SCARB2: variants seen among roughly 807,000 people sequenced by gnomAD.
SCARB2 encodes lysosome membrane protein 2.
In SCARB2, 29 loss-of-function variants were observed where a neutral mutation model predicts 58.6. That is an observed-to-expected ratio of 0.49 (90% CI 0.37 to 0.67). SCARB2 has a LOEUF of 0.67. Among genes scored for constraint, SCARB2 ranks in the 30% least tolerant of loss-of-function variants. The probability of loss-of-function intolerance (pLI) is 0.00; values close to 1 mark genes in which losing one functional copy is unlikely to be tolerated. For missense variants in SCARB2, 488 were observed against 578.5 expected (o/e 0.84, Z 1.60); for synonymous variants, 195 against 210.1 (o/e 0.93, Z 0.62).
intron 1 of SCARB2, among the ~76,000 whole-genome samples, chr4:76,198,841 A>AGTGAGTGTGTGTGT (rs1259886166): frequency 1.4e-5 from 2 of 141,010 alleles, no homozygotes; most frequent in African/African-American, 5.6e-5. Flanking sequence ...AGAGTGAGTG[A>AGTGAGTGTGTGTGT]GTGTGTGTGT....
intron 1 of SCARB2, among the ~76,000 whole-genome samples, chr4:76,204,570 T>C (rs1461292343): frequency 1.3e-5 from 2 of 152,070 alleles, no homozygotes; most frequent in Non-Finnish European, 2.9e-5. Context: ...TGAGAACTGA[T>C]GACCTAAAGG....
chr4:76,203,844 T>G (rs992037479), intron 1 of SCARB2, among the ~76,000 whole-genome samples: 4 of 152,248 alleles, frequency 2.6e-5, no homozygotes, highest in African/African-American at 9.6e-5. Context: ...GCTGTCCTGA[T>G]GTAAGCCACT....
chr4:76,172,223 C>G (rs1409067811), intron 7 of SCARB2, among the ~76,000 whole-genome samples: 1 of 148,628 alleles, frequency 6.7e-6, no homozygotes, highest in Non-Finnish European at 1.5e-5. Flanking sequence ...TATATATACA[C>G]ATATATATGA....
At chr4:76,214,427 G>A (rs368794524), upstream of SCARB2, 24 of 410,538 alleles carry the variant, frequency 5.8e-5, no homozygotes, top group East Asian at 7.5e-4. Flanking sequence ...AGGAAACGGT[G>A]AGCAAAGGCA....
intron 2 of SCARB2, among the ~76,000 whole-genome samples, chr4:76,186,915 G>A (rs1419419935): frequency 6.6e-6 from 1 of 151,818 alleles, no homozygotes; most frequent in Non-Finnish European, 1.5e-5. Context: ...AGAAAAGCGA[G>A]GCAAGTTTAG....
At chr4:76,221,583 G>A (rs1733308103) in intron 1 of SCARB2, among the ~76,000 whole-genome samples, 1 of 152,140 alleles carries the variant, frequency 6.6e-6, no homozygotes, top group East Asian at 1.9e-4. Context: ...GCTTTCTAAA[G>A]TGCTGGGATT....
rs561634539 is a variant in SCARB2 at position 76,167,959 on chromosome 4, A to G, written c.1187+444T>C. On this transcript the variant is annotated intron_variant, in intron 9 of 11. Transcript: ENST00000264896. The stretch of plus-strand genomic sequence containing the variant: ...CCTCCCAAAGTGCTGGATTACAGGC[A>G]TGAGCCACTGTACCCAGCCAGGTAT... Among the ~76,000 whole-genome samples, 500 of 152,232 alleles carry G rather than the reference A, an allele frequency of 3.3e-3. 3 individuals are homozygous for G. Among genetic ancestry groups the G allele is most frequent in the Non-Finnish European group, 4.4e-3 (301 of 68,008 alleles).
intron 2 of SCARB2, among the ~76,000 whole-genome samples, chr4:76,183,777 T>C (rs1308821896): frequency 6.6e-6 from 1 of 152,192 alleles, no homozygotes; most frequent in Non-Finnish European, 1.5e-5. Flanking sequence ...TCCTCTTCTT[T>C]CAGGACCAGC....
chr4:76,203,734 G>A (rs1732875387), intron 1 of SCARB2, among the ~76,000 whole-genome samples: 1 of 152,186 alleles, frequency 6.6e-6, no homozygotes. Context: ...GGCTGGATTA[G>A]CTTGACTGCT....
At chr4:76,222,737 C>T (rs1384379559) in intron 1 of SCARB2, among the ~76,000 whole-genome samples, 2 of 152,220 alleles carry the variant, frequency 1.3e-5, no homozygotes, top group African/African-American at 4.8e-5. Context: ...GTAAATATTA[C>T]TTGCTATATG....
intron 2 of SCARB2, among the ~76,000 whole-genome samples, chr4:76,189,615 C>A (rs953440351): frequency 6.6e-6 from 1 of 151,824 alleles, no homozygotes; most frequent in Admixed American, 6.6e-5. Flanking sequence ...GTGTGTGCCA[C>A]CACACCCAGC....
chr4:76,161,836 G>T (rs1026768212), intron 11 of SCARB2, 85 bp from the exon 12 acceptor site: 4 of 1,313,080 alleles, frequency 3.0e-6, no homozygotes, highest in Non-Finnish European at 4.4e-6. Flanking sequence ...GGGAGTGGGG[G>T]CATGGAAGGA....
chr4:76,206,186 A>G (rs1051377263), intron 1 of SCARB2, among the ~76,000 whole-genome samples: 1 of 152,150 alleles, frequency 6.6e-6, no homozygotes, highest in Non-Finnish European at 1.5e-5. Flanking sequence ...CCATACCCCA[A>G]ATCTGCCGGG....
intron 6 of SCARB2, chr4:76,175,247 C>T (rs1732228591): frequency 6.3e-6 from 1 of 159,390 alleles, no homozygotes; most frequent in South Asian, 1.8e-4. Context: ...ACGTAATGCT[C>T]TTGATTCCAT....
chr4:76,177,906 G>A (rs1732286604), intron 4 of SCARB2, among the ~76,000 whole-genome samples: 1 of 152,192 alleles, frequency 6.6e-6, no homozygotes, highest in Non-Finnish European at 1.5e-5. Context: ...TGCTAAGAGA[G>A]TATGCAGTTT....
intron 7 of SCARB2, among the ~76,000 whole-genome samples, chr4:76,171,957 G>A (rs1732137161): frequency 6.9e-6 from 1 of 145,602 alleles, no homozygotes; most frequent in South Asian, 2.2e-4. Context: ...ATGCATGTGT[G>A]TGCACCATGA....
chr4:76,173,231 G>T (rs1357818797), intron 7 of SCARB2: 5 of 152,122 alleles, frequency 3.3e-5, no homozygotes, highest in African/African-American at 1.2e-4. Flanking sequence ...TGGGACATTT[G>T]TGTCAGGGTT....
rs567181923 is a variant in SCARB2, at chr4:76,201,864, A to G, written c.118-6000T>C. ...TTTTTCATAGCAAGTATAGCATAGG[A>G]TTTTCACAACCTTAAAACTGATGAA... On this transcript the variant is annotated intron_variant, in intron 1 of 11. Transcript: ENST00000264896. Among the ~76,000 whole-genome samples the G allele has an allele frequency of 8.7e-4, 132 of 152,328 alleles. 5 individuals carry two copies. The South Asian group carries it at 0.027, about 31-fold the overall frequency.
chr4:76,190,372 G>A (rs1330219265), intron 2 of SCARB2, among the ~76,000 whole-genome samples: 4 of 152,170 alleles, frequency 2.6e-5, no homozygotes, highest in Non-Finnish European at 4.4e-5. Flanking sequence ...GTCTCAGGAG[G>A]AGACAGCATT....
Sources: allele counts gnomAD v4.1 joint callset (sites outside exome capture counted in the v4.1 genomes callset), GRCh38; gene constraint gnomAD v4.1.1; transcripts MANE v1.5; gene names NCBI Gene and HGNC (gene_info 2026-07-23, HGNC 2026-07-21).